Variants in CSMD3 observed in about 807,000 individuals in gnomAD.
CSMD3 encodes the protein CUB and Sushi multiple domains 3, also known as CUB and sushi domain-containing protein 3.
In CSMD3, 177 loss-of-function variants were observed where a neutral mutation model predicts 435.2. The observed-to-expected ratio is 0.41, with a 90% CI of 0.36 to 0.46. CSMD3 has a LOEUF of 0.46. CSMD3 is among the 20% of genes least tolerant of loss of function. CSMD3 has a pLI of 0.34. For missense variants in CSMD3, 4,265 were observed against 4,504.6 expected, an observed-to-expected ratio of 0.95 and a Z score of 1.52; for synonymous variants, 1,656 against 1,520.5, an observed-to-expected ratio of 1.09 and a Z score of -2.07.
chr8:112,371,706 G>A (rs1828412156), intron 38 of CSMD3, among the ~76,000 whole-genome samples: 1 of 151,976 alleles, frequency 6.6e-6, no homozygotes, highest in Non-Finnish European at 1.5e-5. Context: ...TGACCTACAT[G>A]GTGAAACCCT....
In CSMD3 at chr8:113,253,837, GA is replaced by G. The variant is rs1158610148; in HGVS notation, c.514+24754del. Among the ~76,000 whole-genome samples, 455 of 126,412 alleles carry G rather than the reference GA, an allele frequency of 3.6e-3. 1 individual carries two copies. The highest frequency in any genetic ancestry group is 0.013 in the Middle Eastern group (3 of 224). The allele number at this position is 126,412 out of a possible 152,430, so 82.9% of individuals were successfully genotyped here. ...CTGGTGACAGAGTGAGACTCCGTCT[GA>G]AAAAAAAAAAAAAAGAAAAGAAAAG... On this transcript the variant is annotated intron_variant, in intron 3 of 70. Coordinates refer to ENST00000297405, the MANE Select transcript of CSMD3 (RefSeq NM_198123.2).
At chr8:113,104,645 C>A (rs950976027) in intron 4 of CSMD3, among the ~76,000 whole-genome samples, 11 of 151,986 alleles carry the variant, frequency 7.2e-5, no homozygotes, top group Non-Finnish European at 1.3e-4. Flanking sequence ...ATAATACCTT[C>A]CCAGCTTATG....
At chr8:112,274,930 G>A (rs529389833) in intron 59 of CSMD3, among the ~76,000 whole-genome samples, 107 of 152,228 alleles carry the variant, frequency 7.0e-4, no homozygotes, top group Non-Finnish European at 9.7e-4. Flanking sequence ...ACTACGCTGC[G>A]TGGTGTTTTG....
chr8:112,669,228 T>C (rs934775316), intron 16 of CSMD3, among the ~76,000 whole-genome samples: 9 of 151,956 alleles, frequency 5.9e-5, no homozygotes, highest in Non-Finnish European at 1.0e-4. Context: ...GAGACAGGGT[T>C]TCGCCATGGC....
intron 22 of CSMD3, among the ~76,000 whole-genome samples, chr8:112,595,199 C>T (rs1336236891): frequency 1.3e-5 from 2 of 150,624 alleles, no homozygotes; most frequent in Admixed American, 6.6e-5. Context: ...AACCAAGGCT[C>T]GAGAACTACG....
At chr8:112,228,614 C>A in intron 70 of CSMD3, 142 bp downstream of exon 70, 1 of 788,616 alleles carries the variant, frequency 1.3e-6, no homozygotes, top group Non-Finnish European at 2.0e-6. Context: ...ATAAATTTTT[C>A]AGTGTCTATG....
At chr8:113,183,383 G>A (rs1374838175) in intron 3 of CSMD3, among the ~76,000 whole-genome samples, 1 of 151,920 alleles carries the variant, frequency 6.6e-6, no homozygotes, top group Non-Finnish European at 1.5e-5. Context: ...TTTGATTCCA[G>A]GTTTTTTTTG....
intron 30 of CSMD3, among the ~76,000 whole-genome samples, chr8:112,497,749 A>G (rs1821507859): frequency 2.0e-5 from 3 of 152,064 alleles, no homozygotes; most frequent in South Asian, 2.1e-4. Context: ...AAACATCATT[A>G]CAAGCATTGT....
intron 3 of CSMD3, among the ~76,000 whole-genome samples, chr8:113,272,577 T>TTTGGGG (rs2093537578): frequency 2.0e-5 from 3 of 152,164 alleles, no homozygotes; most frequent in South Asian, 4.1e-4. Context: ...AAGAAATGTG[T>TTTGGGG]TTTGCCTTCT....
chr8:113,254,365 C>T (rs913273544), intron 3 of CSMD3, among the ~76,000 whole-genome samples: 2 of 152,182 alleles, frequency 1.3e-5, no homozygotes, highest in South Asian at 4.1e-4. Context: ...AAAGGCTAAC[C>T]AGGGTCCAGG....
chr8:112,491,845 A>C (rs776648884), intron 31 of CSMD3, among the ~76,000 whole-genome samples: 4 of 152,066 alleles, frequency 2.6e-5, no homozygotes, highest in Admixed American at 1.3e-4. Flanking sequence ...AGATGATATC[A>C]CTTCTGTGTT....
At chr8:112,711,409 T>C (rs1476693964) in intron 13 of CSMD3, among the ~76,000 whole-genome samples, 3 of 152,024 alleles carry the variant, frequency 2.0e-5, no homozygotes, top group African/African-American at 7.2e-5. Context: ...CAGGAAAAGG[T>C]AGGAAGAGTT....
intron 1 of CSMD3, among the ~76,000 whole-genome samples, chr8:113,332,980 T>C (rs1024751085): frequency 2.6e-5 from 4 of 151,782 alleles, no homozygotes; most frequent in South Asian, 2.1e-4. Flanking sequence ...TTTACATATA[T>C]AGACATTTGA....
At chr8:113,192,200 G>A (rs2092595965) in intron 3 of CSMD3, among the ~76,000 whole-genome samples, 1 of 151,660 alleles carries the variant, frequency 6.6e-6, no homozygotes, top group South Asian at 2.1e-4. Context: ...GCAAGGCCCT[G>A]TGCTAATGTT....
intron 46 of CSMD3, 77 bp downstream of exon 46, chr8:112,319,824 T>C (rs934881847): frequency 2.0e-6 from 2 of 996,470 alleles, no homozygotes; most frequent in Non-Finnish European, 3.2e-6. Context: ...CTATTACTAT[T>C]CTGTATTTTG....
intron 38 of CSMD3, among the ~76,000 whole-genome samples, chr8:112,362,575 A>G (rs1255492952): frequency 2.0e-5 from 3 of 151,990 alleles, no homozygotes; most frequent in African/African-American, 2.4e-5. Context: ...GTGAGTACCT[A>G]TTGCGTGCTC....
intron 58 of CSMD3, among the ~76,000 whole-genome samples, chr8:112,284,034 A>C (rs547526644): frequency 6.6e-6 from 1 of 151,878 alleles, no homozygotes. Flanking sequence ...ATGTATCAAT[A>C]AAAAATACCT....
At chr8:113,170,586 A>G (rs2092250440) in intron 4 of CSMD3, among the ~76,000 whole-genome samples, 1 of 152,134 alleles carries the variant, frequency 6.6e-6, no homozygotes, top group Non-Finnish European at 1.5e-5. Context: ...CTTCCTTATC[A>G]AGATTCCTAG....
chr8:113,351,987 T>C (rs1332153802), intron 1 of CSMD3, among the ~76,000 whole-genome samples: 1 of 152,158 alleles, frequency 6.6e-6, no homozygotes, highest in African/African-American at 2.4e-5. Context: ...GGTATTACTT[T>C]ACCTTGAACT....
Sources: gnomAD v4.1 joint callset for allele counts (sites outside exome capture counted in the v4.1 genomes callset) on GRCh38, gnomAD v4.1.1 for gene constraint, MANE v1.5 for transcripts, NCBI Gene and HGNC (gene_info 2026-07-23, HGNC 2026-07-21) for gene names.